Variants in DOCK4 observed in about 807,000 individuals in gnomAD.
The protein encoded by DOCK4 is dedicator of cytokinesis protein 4.
Under a neutral mutation model 268.1 loss-of-function variants are expected in DOCK4, and 97 were observed. The ratio of observed to expected loss-of-function variants is 0.36; its 90% CI spans 0.31 to 0.43. DOCK4 has a LOEUF of 0.43. Among genes scored for constraint, DOCK4 ranks in the 20% least tolerant of loss-of-function variants. DOCK4 has a pLI of 1.00. For synonymous variants in DOCK4, 954 were observed against 887.2 expected, an observed-to-expected ratio of 1.08 and a Z score of -1.34; for missense variants, 2,145 against 2,455.7, an observed-to-expected ratio of 0.87 and a Z score of 2.67.
At chr7:112,031,568 T>G (rs927564903) in intron 1 of DOCK4, among the ~76,000 whole-genome samples, 1 of 152,194 alleles carries the variant, frequency 6.6e-6, no homozygotes, top group East Asian at 1.9e-4. Context: ...CACTGATTCC[T>G]AACCTTTAAT....
intron 1 of DOCK4, among the ~76,000 whole-genome samples, chr7:112,031,771 A>G (rs576783267): frequency 6.6e-6 from 1 of 152,328 alleles, no homozygotes; most frequent in South Asian, 2.1e-4. Flanking sequence ...TATTAAATGA[A>G]CCGCTGAAAC....
intron 13 of DOCK4, among the ~76,000 whole-genome samples, chr7:111,912,065 T>C (rs1446545701): frequency 6.6e-6 from 1 of 152,202 alleles, no homozygotes; most frequent in Non-Finnish European, 1.5e-5. Context: ...TACAGGATGT[T>C]CTCTCAGCCT....
In DOCK4 at chr7:111,760,284, C is replaced by T; in HGVS notation, c.4059G>A (p.Arg1353=). 6.2e-7 allele frequency: 1 copy of T among 1,613,930 alleles called. No individual in the cohort carries two copies. Among genetic ancestry groups the T allele is most frequent in the African/African-American group, 1.3e-5 (1 of 75,028 alleles). The change falls in exon 40 of 53, where the codon AGG becomes AGA. Residue 1353 remains arginine (R), a synonymous_variant. Transcript: ENST00000428084. ...EFVCRGHDYE[R]LEAFQQRMLN... ...GCATTCTCTGTTGGAAGGCTTCCAG[C>T]CTCTCGTAGTCATGCCCTCGACACA...
intron 17 of DOCK4, 70 bp downstream of exon 17, chr7:111,876,960 C>T: frequency 8.0e-7 from 1 of 1,251,054 alleles, no homozygotes; most frequent in Non-Finnish European, 1.0e-6. Context: ...TTGGTGTTTA[C>T]TGAATATGCT....
chr7:111,782,932 C>A lies in DOCK4; in HGVS notation c.3525-8G>T. On this transcript the variant is annotated splice_polypyrimidine_tract_variant and splice_region_variant and intron_variant, in intron 34 of 52. Transcript: ENST00000428084. The stretch of plus-strand genomic sequence containing the variant: ...CCCATTTTCATGCAGTCCCTAAAAA[C>A]AAAAAGCAATAGTCAGAACTCAGAA... 1 of 1,580,898 alleles carries A rather than the reference C, an allele frequency of 6.3e-7. No homozygotes were observed. The highest frequency in any genetic ancestry group is 8.6e-7 in the Non-Finnish European group (1 of 1,163,492).
chr7:111,800,500 G>A (rs1157464769), intron 30 of DOCK4, among the ~76,000 whole-genome samples: 1 of 151,994 alleles, frequency 6.6e-6, no homozygotes, highest in Non-Finnish European at 1.5e-5. Flanking sequence ...TTATGTTAAC[G>A]TTTCTGGTAA....
chr7:112,109,591 CA>C (rs1811444152), intron 1 of DOCK4, among the ~76,000 whole-genome samples: 1 of 152,306 alleles, frequency 6.6e-6, no homozygotes, highest in East Asian at 1.9e-4. Context: ...TATTGATTTT[CA>C]GCGATAGTGT....
At position 111,765,100 on chromosome 7, in the gene DOCK4, A is replaced by G. The variant is rs1001748508; in HGVS notation, c.4020+18T>C. On this transcript the variant is annotated intron_variant, in intron 39 of 52. Transcript: ENST00000428084. ...TATATGAGAGCTGTGAAAGCAAATT[A>G]AATAGTATATTACTTACTCTTAAGA... 1.6e-6 allele frequency: 2 copies of G among 1,276,886 alleles called. No individual in the cohort carries two copies. The highest frequency in any genetic ancestry group is 1.1e-6 in the Non-Finnish European group (1 of 935,164). 79.1% of individuals were successfully genotyped at this position (1,276,886 alleles called of 1,614,324 possible).
chr7:111,821,161 A>T (rs904381926), intron 27 of DOCK4: 1 of 152,234 alleles, frequency 6.6e-6, no homozygotes, highest in African/African-American at 2.4e-5. Context: ...CTATAAATGT[A>T]TACTGCAGCA....
At chr7:111,760,534 C>T (rs1797321606) in intron 39 of DOCK4, among the ~76,000 whole-genome samples, 1 of 152,050 alleles carries the variant, frequency 6.6e-6, no homozygotes, top group Non-Finnish European at 1.5e-5. Flanking sequence ...TAATAAGGCC[C>T]AATAGAATGC....
intron 1 of DOCK4, among the ~76,000 whole-genome samples, chr7:112,161,374 T>A (rs973608822): frequency 6.6e-6 from 1 of 152,130 alleles, no homozygotes; most frequent in Non-Finnish European, 1.5e-5. Flanking sequence ...CATGAAACAA[T>A]CTGGCCAGAC....
intron 1 of DOCK4, among the ~76,000 whole-genome samples, chr7:112,051,644 T>C (rs1010606328): frequency 6.6e-6 from 1 of 152,026 alleles, no homozygotes; most frequent in Non-Finnish European, 1.5e-5. Flanking sequence ...AATAAAAAAA[T>C]TAATTTTCTC....
At chr7:111,837,821 T>A (rs1390539791) in intron 25 of DOCK4, among the ~76,000 whole-genome samples, 1 of 152,140 alleles carries the variant, frequency 6.6e-6, no homozygotes, top group Non-Finnish European at 1.5e-5. Flanking sequence ...GCGTGGTGGC[T>A]CATGCCTATA....
intron 1 of DOCK4, among the ~76,000 whole-genome samples, chr7:112,192,942 T>C (rs996758549): frequency 1.3e-4 from 20 of 152,034 alleles, no homozygotes; most frequent in African/African-American, 4.3e-4. Context: ...TTAAGGATAG[T>C]AGAAAAAGAA....
intron 1 of DOCK4, among the ~76,000 whole-genome samples, chr7:112,176,379 C>T (rs760252603): frequency 4.3e-4 from 65 of 152,302 alleles, no homozygotes; most frequent in Admixed American, 1.1e-3. Flanking sequence ...CTACAGGTCT[C>T]CACTTGACTT....
At chr7:111,951,647 CAA>C (rs35968911) in intron 8 of DOCK4, among the ~76,000 whole-genome samples, 13 of 85,792 alleles carry the variant, frequency 1.5e-4, no homozygotes, top group Admixed American at 3.8e-4. Context: ...CCATCGCTAC[CAA>C]AAAAAAAAAA....
At chr7:112,034,486 C>T (rs1803563748) in intron 1 of DOCK4, among the ~76,000 whole-genome samples, 1 of 152,172 alleles carries the variant, frequency 6.6e-6, no homozygotes. Context: ...AAAGAAACAA[C>T]CCTTGAGACT....
rs80321091 is a variant in DOCK4 at position 111,863,166 on chromosome 7, A to G, written c.2473+206T>C. ...AAACATAAAAAACAATAATGTAATC[A>G]TTAGTTTTCATTCTTTCCAGAAATA... On this transcript the variant is annotated intron_variant, in intron 23 of 52. Transcript: ENST00000428084. 1,964 of 585,040 alleles carry G rather than the reference A, an allele frequency of 3.4e-3. 31 individuals carry two copies. The highest frequency in any genetic ancestry group is 0.033 in the African/African-American group (1,784 of 53,582). The allele number at this position is 585,040 out of a possible 1,614,324, so 36.2% of individuals were successfully genotyped here.
chr7:111,769,564 G>T lies in DOCK4; in HGVS notation c.3793C>A (p.His1265Asn). Residue 1265 changes from histidine to asparagine, a missense_variant, in exon 37 of 53, where the codon CAC (histidine) becomes AAC (asparagine). His to Asn is a moderately conservative substitution (Grantham distance 68). This residue lies in a region of DOCK4 where 1,598 missense variants were observed against 1,986.7 expected (regional missense o/e 0.80). Coordinates refer to ENST00000428084, the MANE Select transcript of DOCK4 (RefSeq NM_001363540.2). Reference sequence around the variant, plus strand: ...TCAAAGTTCTGGATGATGGTGAGGTGCAGGTGCTCTTTGCGCTGCCATTCT... The same window carrying T: ...TCAAAGTTCTGGATGATGGTGAGGTTCAGGTGCTCTTTGCGCTGCCATTCT... ...QTEWQRKEHL[H>N]LTIIQNFDRG... 6.2e-7 allele frequency: 1 copy of T among 1,613,780 alleles called. No homozygotes were observed. Among genetic ancestry groups the T allele is most frequent in the Non-Finnish European group, 8.5e-7 (1 of 1,179,774 alleles).
Sources: gnomAD v4.1 joint callset for allele counts (sites outside exome capture counted in the v4.1 genomes callset) on GRCh38, gnomAD v4.1.1 for gene constraint, gnomAD v4.1.1 regional missense constraint, MANE v1.5 for transcripts, NCBI Gene and HGNC (gene_info 2026-07-23, HGNC 2026-07-21) for gene names.